The following LRBA variants were observed in gnomAD, a reference collection of about 807,000 sequenced individuals.
The protein encoded by LRBA is LPS responsive beige-like anchor protein, also known as lipopolysaccharide-responsive and beige-like anchor protein.
Under a neutral mutation model 330.0 loss-of-function variants are expected in LRBA, and 176 were observed. The observed-to-expected ratio is 0.53, with a 90% confidence interval of 0.47 to 0.60. The LOEUF is 0.60. Among genes scored for constraint, LRBA ranks in the 20% least tolerant of loss-of-function variants. The probability of loss-of-function intolerance (pLI) is 0.00; values close to 1 mark genes in which losing one functional copy is unlikely to be tolerated. For synonymous variants in LRBA, 1,230 were observed against 1,193.0 expected (o/e 1.03, Z -0.64); for missense variants, 3,259 against 3,444.8 (o/e 0.95, Z 1.35).
At chr4:150,949,098 T>C (rs1736541958) in intron 2 of LRBA, among the ~76,000 whole-genome samples, 1 of 151,986 alleles carries the variant, frequency 6.6e-6, no homozygotes, top group Non-Finnish European at 1.5e-5. Flanking sequence ...CTGCCATTTT[T>C]CCCAAATAAA....
Position 150,683,689 on chromosome 4 carries a change from TTGTC to T in LRBA, c.5779_5782del (p.Asp1927AsnfsTer11). On this transcript the variant is annotated frameshift_variant, in exon 37 of 57. Coordinates refer to ENST00000651943, the MANE Select transcript of LRBA (RefSeq NM_001364905.1). LOFTEE classifies it high-confidence loss of function. ...ATCACACATCTTCTCATCTTCTCGT[TTGTC>T]TGCAGAATACTGGGCACACAGTGAC... 6.2e-7 allele frequency: 1 copy of T among 1,613,420 alleles called. No homozygotes were observed. The highest frequency in any genetic ancestry group is 8.5e-7 in the Non-Finnish European group (1 of 1,179,590).
At chr4:150,658,361 A>C (rs1269925767) in intron 37 of LRBA, among the ~76,000 whole-genome samples, 1 of 144,316 alleles carries the variant, frequency 6.9e-6, no homozygotes, top group African/African-American at 2.6e-5. Flanking sequence ...CTGCAAGCCA[A>C]AAAAAAAAAA....
At chr4:150,562,635 A>C (rs1437807650) in intron 40 of LRBA, among the ~76,000 whole-genome samples, 1 of 152,174 alleles carries the variant, frequency 6.6e-6, no homozygotes, top group Non-Finnish European at 1.5e-5. Flanking sequence ...CAGAAGAAAT[A>C]ATACATATTT....
intron 2 of LRBA, among the ~76,000 whole-genome samples, chr4:151,003,045 C>T (rs982601284): frequency 4.8e-5 from 7 of 147,218 alleles, no homozygotes; most frequent in African/African-American, 1.5e-4. Flanking sequence ...TATGTGTTTG[C>T]GTGTGTGTGT....
intron 34 of LRBA, among the ~76,000 whole-genome samples, chr4:150,787,395 C>T (rs1039185357): frequency 2.6e-5 from 4 of 151,900 alleles, no homozygotes; most frequent in East Asian, 1.9e-4. Context: ...ATTTTTAACA[C>T]GAGATATAGA....
chr4:150,453,978 C>A (rs60249323), intron 44 of LRBA, among the ~76,000 whole-genome samples: 3 of 151,136 alleles, frequency 2.0e-5, no homozygotes, highest in Admixed American at 6.6e-5. Flanking sequence ...TTTTTTCTTT[C>A]TTTGAGACAG....
intron 48 of LRBA, among the ~76,000 whole-genome samples, chr4:150,333,384 G>A (rs1734238229): frequency 6.6e-6 from 1 of 151,852 alleles, no homozygotes; most frequent in East Asian, 1.9e-4. Context: ...TTGGAATAGG[G>A]AAATAGAGAC....
intron 37 of LRBA, among the ~76,000 whole-genome samples, chr4:150,617,574 G>A (rs1194865226): frequency 1.3e-5 from 2 of 152,136 alleles, no homozygotes; most frequent in Non-Finnish European, 2.9e-5. Context: ...CCCGAGAGGC[G>A]GAGGTTGCAG....
At chr4:150,605,425 G>A (rs1404754210) in intron 37 of LRBA, among the ~76,000 whole-genome samples, 1 of 152,156 alleles carries the variant, frequency 6.6e-6, no homozygotes, top group Non-Finnish European at 1.5e-5. Context: ...CTTAACAGAA[G>A]TCAGTAAGAA....
chr4:150,615,311 C>A (rs1775665151), intron 37 of LRBA, among the ~76,000 whole-genome samples: 1 of 152,084 alleles, frequency 6.6e-6, no homozygotes, highest in Non-Finnish European at 1.5e-5. Flanking sequence ...AGATTATAAG[C>A]AAAGAATTGA....
In LRBA at chr4:150,757,133, T is replaced by C. The variant is rs540291001; in HGVS notation, c.5645+4650A>G. Reference sequence around the variant, plus strand: ...CAGTGATTATCAATTATTCTAGCTCTCTAAAATAAATTTGTTTAAAATGGA... The same window carrying C: ...CAGTGATTATCAATTATTCTAGCTCCCTAAAATAAATTTGTTTAAAATGGA... On this transcript the variant is annotated intron_variant, in intron 35 of 56. Transcript: ENST00000651943. 8.5e-4 allele frequency among the ~76,000 whole-genome samples: 130 copies of C among 152,266 alleles called. 1 individual carries two copies. Among genetic ancestry groups the C allele is most frequent in the African/African-American group, 3.0e-3 (126 of 41,570 alleles).
chr4:150,796,480 T>C (rs1740807968), intron 34 of LRBA, among the ~76,000 whole-genome samples: 1 of 151,966 alleles, frequency 6.6e-6, no homozygotes, highest in Non-Finnish European at 1.5e-5. Flanking sequence ...TACCCAATAA[T>C]GTATTTTATT....
intron 46 of LRBA, among the ~76,000 whole-genome samples, chr4:150,425,647 TCTC>T (rs1749494723): frequency 6.6e-6 from 1 of 152,122 alleles, no homozygotes; most frequent in Non-Finnish European, 1.5e-5. Flanking sequence ...GCTGTATGAT[TCTC>T]CTTTTAATAG....
At chr4:150,816,494 T>C (rs1282548619) in intron 31 of LRBA, among the ~76,000 whole-genome samples, 3 of 151,880 alleles carry the variant, frequency 2.0e-5, no homozygotes, top group Non-Finnish European at 2.9e-5. Flanking sequence ...TATGCTTTTA[T>C]ACATGGAAAT....
intron 37 of LRBA, among the ~76,000 whole-genome samples, chr4:150,638,511 T>C (rs531145192): frequency 1.3e-5 from 2 of 152,326 alleles, no homozygotes; most frequent in African/African-American, 4.8e-5. Flanking sequence ...AACACAAAAC[T>C]GGGGTTCAGA....
intron 34 of LRBA, among the ~76,000 whole-genome samples, chr4:150,770,678 G>A (rs1443367536): frequency 6.6e-6 from 1 of 151,876 alleles, no homozygotes. Flanking sequence ...AAATGGTCAT[G>A]TGATCACAGT....
chr4:150,936,155 AC>A (rs1320732325), intron 2 of LRBA, among the ~76,000 whole-genome samples: 1 of 152,114 alleles, frequency 6.6e-6, no homozygotes, highest in East Asian at 1.9e-4. Flanking sequence ...TTAAACAGAT[AC>A]TTTCATACAC....
intron 26 of LRBA, among the ~76,000 whole-genome samples, chr4:150,846,066 C>T (rs753040745): frequency 6.6e-6 from 1 of 152,068 alleles, no homozygotes; most frequent in Non-Finnish European, 1.5e-5. Context: ...AAATAATATT[C>T]AGCCGTAAAA....
intron 40 of LRBA, among the ~76,000 whole-genome samples, chr4:150,542,550 A>C (rs998754719): frequency 3.3e-5 from 5 of 152,214 alleles, no homozygotes; most frequent in Non-Finnish European, 7.3e-5. Context: ...TCTGTCTTGC[A>C]CATATCAAAA....
Sources: allele counts gnomAD v4.1 joint callset (sites outside exome capture counted in the v4.1 genomes callset), GRCh38; gene constraint gnomAD v4.1.1; transcripts MANE v1.5; gene names NCBI Gene and HGNC (gene_info 2026-07-23, HGNC 2026-07-21).